PPP1R12A: variants seen among roughly 807,000 people sequenced by gnomAD.
PPP1R12A encodes the protein myosin binding subunit.
In PPP1R12A, 19 loss-of-function variants were observed where a neutral mutation model predicts 139.6. The observed-to-expected ratio is 0.14, with a 90% CI of 0.09 to 0.20. The LOEUF is 0.20. Among genes scored for constraint, PPP1R12A ranks in the 10% least tolerant of loss-of-function variants. The pLI is 1.00. For synonymous variants in PPP1R12A, 427 were observed against 420.6 expected, an observed-to-expected ratio of 1.02 and a Z score of -0.19; for missense variants, 925 against 1,211.5, an observed-to-expected ratio of 0.76 and a Z score of 3.51.
intron 1 of PPP1R12A, among the ~76,000 whole-genome samples, chr12:79,905,280 C>T (rs184201392): frequency 1.3e-5 from 2 of 151,220 alleles, no homozygotes; most frequent in African/African-American, 4.8e-5. Context: ...TAATTTAGAG[C>T]GTGAACCACA....
intron 6 of PPP1R12A, among the ~76,000 whole-genome samples, chr12:79,821,392 C>A (rs1003880432): frequency 1.3e-5 from 2 of 151,970 alleles, no homozygotes; most frequent in African/African-American, 4.8e-5. Flanking sequence ...TTTTTACATC[C>A]CTCCAACTTT....
At position 79,797,290 on chromosome 12, in the gene PPP1R12A, CTTT is replaced by C. The variant is rs752580291; in HGVS notation, c.2194_2196del (p.Lys732del). ...TCTTGTTTCTCTTTATCTTGTTTCT[CTTT>C]TTCCTCTTTTTCTTTTTCTTCATTT... On this transcript the variant is annotated inframe_deletion, in exon 16 of 25. Coordinates refer to ENST00000450142, the MANE Select transcript of PPP1R12A (RefSeq NM_002480.3). 2 of 1,587,624 alleles carry C rather than the reference CTTT, an allele frequency of 1.3e-6. No individual in the cohort carries two copies. Among genetic ancestry groups the C allele is most frequent in the Non-Finnish European group, 1.7e-6 (2 of 1,165,280 alleles).
At chr12:79,911,972 T>C (rs1364924187) in intron 1 of PPP1R12A, among the ~76,000 whole-genome samples, 1 of 152,232 alleles carries the variant, frequency 6.6e-6, no homozygotes, top group Non-Finnish European at 1.5e-5. Context: ...TGGATCCTCC[T>C]AGATCTGACC....
chr12:79,842,286 C>T (rs942948540), intron 3 of PPP1R12A, among the ~76,000 whole-genome samples: 11 of 152,194 alleles, frequency 7.2e-5, no homozygotes, highest in Non-Finnish European at 1.6e-4. Flanking sequence ...TGTCACTGCA[C>T]TCCAGTCTGT....
At chr12:79,833,519 T>C (rs537069449) in intron 3 of PPP1R12A, among the ~76,000 whole-genome samples, 2 of 152,074 alleles carry the variant, frequency 1.3e-5, no homozygotes, top group African/African-American at 4.8e-5. Context: ...GTAGAATACC[T>C]GATACAAAGC....
intron 22 of PPP1R12A, among the ~76,000 whole-genome samples, chr12:79,784,141 A>G (rs1257693328): frequency 6.6e-6 from 1 of 152,184 alleles, no homozygotes; most frequent in African/African-American, 2.4e-5. Context: ...ATTTGTGAAT[A>G]GTTATGAAGT....
chr12:79,807,227 T>A lies in PPP1R12A; in HGVS notation c.1654A>T (p.Ser552Cys). 6.7e-7 allele frequency: 1 copy of A among 1,501,696 alleles called. No individual in the cohort carries two copies. The highest frequency in any genetic ancestry group is 9.0e-7 in the Non-Finnish European group (1 of 1,107,684). The allele number at this position is 1,501,696 out of a possible 1,614,324, so 93.0% of individuals were successfully genotyped here. ...ACCGCTTAAGAATAGTATTATTACC[T>A]TTTATGATACGTTGATCCTTCATTA... ...SVNEGSTYHKSCSFGRRQDDL... is the reference protein window; with the variant it reads ...SVNEGSTYHKCCSFGRRQDDL... Residue 552 changes from serine to cysteine, a missense_variant and splice_region_variant, in exon 12 of 25, where the codon AGT (serine) becomes TGT (cysteine). This residue lies in a region of PPP1R12A where 403 missense variants were observed against 463.7 expected (regional missense o/e 0.87). Coordinates refer to ENST00000450142, the MANE Select transcript of PPP1R12A (RefSeq NM_002480.3).
chr12:79,855,153 T>C (rs1485020429), intron 2 of PPP1R12A, among the ~76,000 whole-genome samples: 1 of 152,000 alleles, frequency 6.6e-6, no homozygotes, highest in African/African-American at 2.4e-5. Context: ...CACGCCCGGC[T>C]AATTTTTTGT....
intron 19 of PPP1R12A, among the ~76,000 whole-genome samples, chr12:79,791,761 A>G (rs547734218): frequency 6.6e-6 from 1 of 152,200 alleles, no homozygotes; most frequent in South Asian, 2.1e-4. Context: ...AGATCGCTAG[A>G]ACTTTTTCAT....
chr12:79,885,139 A>G (rs955591752), intron 1 of PPP1R12A, among the ~76,000 whole-genome samples: 15 of 152,166 alleles, frequency 9.9e-5, no homozygotes, highest in Admixed American at 8.5e-4. Flanking sequence ...ATTTTTGTTA[A>G]AAGTACAAAC....
At chr12:79,891,996 C>T (rs1041862320) in intron 1 of PPP1R12A, among the ~76,000 whole-genome samples, 1 of 152,178 alleles carries the variant, frequency 6.6e-6, no homozygotes, top group African/African-American at 2.4e-5. Flanking sequence ...CCATTCCTGA[C>T]CCACAGAAAG....
intron 2 of PPP1R12A, among the ~76,000 whole-genome samples, chr12:79,855,986 T>TA (rs1374024702): frequency 1.3e-5 from 2 of 152,156 alleles, no homozygotes; most frequent in East Asian, 3.8e-4. Context: ...GCACCACCTT[T>TA]GATTTTTCTT....
At chr12:79,859,441 G>A (rs372664063) in intron 2 of PPP1R12A, among the ~76,000 whole-genome samples, 33 of 151,646 alleles carry the variant, frequency 2.2e-4, no homozygotes, top group African/African-American at 7.5e-4. Context: ...TTTTAAAGCT[G>A]AGCCAACAGA....
chr12:79,836,448 A>T (rs1042837642), intron 3 of PPP1R12A, among the ~76,000 whole-genome samples: 2 of 152,108 alleles, frequency 1.3e-5, no homozygotes, highest in Non-Finnish European at 2.9e-5. Context: ...TTCAAGTTAA[A>T]AAAAACCTAC....
At chr12:79,827,023 G>C (rs1290784437) in intron 5 of PPP1R12A, among the ~76,000 whole-genome samples, 2 of 152,136 alleles carry the variant, frequency 1.3e-5, no homozygotes, top group African/African-American at 4.8e-5. Flanking sequence ...ATTTCTGAAG[G>C]GGAATTTCTA....
At chr12:79,777,714 TAAG>T in intron 24 of PPP1R12A, 5 of 880,648 alleles carry the variant, frequency 5.7e-6, no homozygotes, top group Middle Eastern at 1.2e-3. Flanking sequence ...AAGAGTATAA[TAAG>T]AATGTAATCA....
intron 24 of PPP1R12A, chr12:79,777,293 C>T: frequency 1.0e-6 from 1 of 976,570 alleles, no homozygotes; most frequent in Non-Finnish European, 1.2e-6. Flanking sequence ...ACAGATAAGT[C>T]TTTAACTTAA....
At chr12:79,932,286 T>A (rs1249824414) in intron 1 of PPP1R12A, among the ~76,000 whole-genome samples, 1 of 152,242 alleles carries the variant, frequency 6.6e-6, no homozygotes, top group African/African-American at 2.4e-5. Context: ...TTCTTGTGTG[T>A]GTGTGGTTTT....
chr12:79,821,751 C>CA (rs1290815438), intron 6 of PPP1R12A, among the ~76,000 whole-genome samples: 7,738 of 106,910 alleles, frequency 0.072, 203 homozygotes, highest in Non-Finnish European at 0.079. Flanking sequence ...ACCCCATCTC[C>CA]AAAAAAAAAA....
Sources: allele counts gnomAD v4.1 joint callset (sites outside exome capture counted in the v4.1 genomes callset), GRCh38; gene constraint gnomAD v4.1.1; regional missense constraint gnomAD v4.1.1; transcripts MANE v1.5; gene names NCBI Gene and HGNC (gene_info 2026-07-23, HGNC 2026-07-21).